ANK3: variants seen among roughly 807,000 people sequenced by gnomAD.
ANK3 encodes ankyrin 3, also known as ankyrin-3.
In ANK3, 57 loss-of-function variants were observed where a neutral mutation model predicts 370.9. The observed-to-expected ratio is 0.15, with a 90% CI of 0.12 to 0.19. The LOEUF is 0.19. Among genes scored for constraint, ANK3 ranks in the 10% least tolerant of loss-of-function variants. ANK3 has a pLI of 1.00. For synonymous variants in ANK3, 1,929 were observed against 1,946.3 expected, an observed-to-expected ratio of 0.99 and a Z score of 0.23; for missense variants, 4,439 against 5,302.1, an observed-to-expected ratio of 0.84 and a Z score of 5.06.
intron 1 of ANK3, among the ~76,000 whole-genome samples, chr10:60,301,297 CAT>C (rs776321636): frequency 9.2e-4 from 137 of 149,208 alleles, no homozygotes; most frequent in Admixed American, 5.6e-3. Context: ...TATACACACA[CAT>C]ACATATATAC....
chr10:60,094,435 G>A (rs1008072099), intron 28 of ANK3, among the ~76,000 whole-genome samples: 1 of 151,878 alleles, frequency 6.6e-6, no homozygotes. Context: ...TGATGTGCCC[G>A]CCTCAGCCTC....
intron 16 of ANK3, among the ~76,000 whole-genome samples, chr10:60,190,097 A>C (rs1457714887): frequency 1.3e-5 from 2 of 152,242 alleles, no homozygotes; most frequent in Non-Finnish European, 2.9e-5. Flanking sequence ...TCTACTTTTC[A>C]GTACCCCAAT....
intron 2 of ANK3, among the ~76,000 whole-genome samples, chr10:60,578,273 T>G (rs1451602032): frequency 6.6e-6 from 1 of 152,246 alleles, no homozygotes; most frequent in Non-Finnish European, 1.5e-5. Flanking sequence ...ATGCATGGTT[T>G]GCTTTTTGTT....
chr10:60,578,133 T>C lies in ANK3; in HGVS notation c.96+37053A>G, dbSNP rs1477138654. ...TTCAACCAGGTCCATAGCAGGATTTTCCTGTTTTGTTCCGAGTTTTCTTTC... is the reference window on the plus strand; with the variant it reads ...TTCAACCAGGTCCATAGCAGGATTTCCCTGTTTTGTTCCGAGTTTTCTTTC... On this transcript the variant is annotated intron_variant, in intron 2 of 43. Transcript: ENST00000373827. 2.0e-5 allele frequency among the ~76,000 whole-genome samples: 3 copies of C among 152,244 alleles called. No homozygotes were observed. In the East Asian group the frequency reaches 5.8e-4, roughly 29 times the overall value.
chr10:60,656,027 G>A (rs1263589143), intron 1 of ANK3, among the ~76,000 whole-genome samples: 2 of 152,114 alleles, frequency 1.3e-5, no homozygotes, highest in Non-Finnish European at 2.9e-5. Flanking sequence ...TACACTTTAT[G>A]ATACTCGCAC....
rs1013061852 is a variant in ANK3 at position 60,076,191 on chromosome 10, T to G, written c.4690A>C (p.Ile1564Leu). The G allele has an allele frequency of 6.2e-7, 1 of 1,614,062 alleles. No individual in the cohort carries two copies. The highest frequency in any genetic ancestry group is 8.5e-7 in the Non-Finnish European group (1 of 1,179,990). ...CTAATTGGAGATGCCACGTCACTAATGGATTTAACTGAAGATGTAGTTGAC... is the reference window on the plus strand; with the variant it reads ...CTAATTGGAGATGCCACGTCACTAAGGGATTTAACTGAAGATGTAGTTGAC... ...GASTTSSVKSISDVASPIRSF... is the reference protein window; with the variant it reads ...GASTTSSVKSLSDVASPIRSF... The change falls in exon 37 of 44, where the codon ATT (isoleucine) becomes CTT (leucine). Residue 1564 changes from isoleucine (I) to leucine (L), a missense_variant. By Grantham distance (5) the Ile-to-Leu change is conservative. Coordinates refer to ENST00000280772, the MANE Select transcript of ANK3 (RefSeq NM_020987.5).
chr10:60,101,126 T>C (rs1197473741), intron 28 of ANK3, among the ~76,000 whole-genome samples: 1 of 152,188 alleles, frequency 6.6e-6, no homozygotes, highest in African/African-American at 2.4e-5. Context: ...ATGTAAAAAT[T>C]AATAATGAGA....
intron 23 of ANK3, among the ~76,000 whole-genome samples, chr10:60,154,219 T>C (rs1300784459): frequency 1.3e-5 from 2 of 152,160 alleles, no homozygotes; most frequent in East Asian, 3.9e-4. Flanking sequence ...TGAAGAACAA[T>C]TTCTGAAGCT....
chr10:60,375,500 G>C (rs372399078), intron 1 of ANK3, among the ~76,000 whole-genome samples: 42 of 152,144 alleles, frequency 2.8e-4, no homozygotes, highest in South Asian at 8.3e-4. Flanking sequence ...CCTGCCTGGG[G>C]GGGGAGGGGG....
In ANK3 at chr10:60,678,315, C is replaced by T. The variant is rs532876221; in HGVS notation, c.57+54948G>A. ...ATGCTGACTGTTGTATTGGCTTTAACATAGGAAAAAGGAGAAAAACAAATG... is the reference window on the plus strand; with the variant it reads ...ATGCTGACTGTTGTATTGGCTTTAATATAGGAAAAAGGAGAAAAACAAATG... On this transcript the variant is annotated intron_variant, in intron 1 of 43. Transcript: ENST00000373827. 8.5e-5 allele frequency among the ~76,000 whole-genome samples: 13 copies of T among 152,124 alleles called. 1 individual carries two copies. Among genetic ancestry groups the T allele is most frequent in the African/African-American group, 2.9e-4 (12 of 41,502 alleles).
chr10:60,379,191 G>A (rs2061221934), intron 1 of ANK3, among the ~76,000 whole-genome samples: 1 of 151,634 alleles, frequency 6.6e-6, no homozygotes, highest in Non-Finnish European at 1.5e-5. Flanking sequence ...TTATCAAAAA[G>A]ACAAAAAAAT....
At chr10:60,608,564 C>T (rs1451878927) in intron 2 of ANK3, among the ~76,000 whole-genome samples, 1 of 152,146 alleles carries the variant, frequency 6.6e-6, no homozygotes, top group Admixed American at 6.5e-5. Context: ...GAGTAACTCC[C>T]ACCAGAGGCT....
At position 60,088,548 on chromosome 10, in the gene ANK3, C is replaced by T. The variant is rs1027560497; in HGVS notation, c.3329-190G>A. On this transcript the variant is annotated intron_variant, in intron 28 of 43. Transcript: ENST00000280772. ...TCAAGTGATTCTCCTGCCTCAGCCTCCCAAGTAGCTGGGATTACGGGCATG... is the reference window on the plus strand; with the variant it reads ...TCAAGTGATTCTCCTGCCTCAGCCTTCCAAGTAGCTGGGATTACGGGCATG... 2.6e-5 allele frequency among the ~76,000 whole-genome samples: 4 copies of T among 152,168 alleles called. No individual in the cohort carries two copies. In the South Asian group the frequency reaches 8.3e-4, roughly 32 times the overall value.
At chr10:60,501,654 G>A (rs1402545039) in intron 2 of ANK3, among the ~76,000 whole-genome samples, 3 of 146,948 alleles carry the variant, frequency 2.0e-5, no homozygotes, top group Non-Finnish European at 4.5e-5. Flanking sequence ...GCAGTGAACC[G>A]AGATTGTGCC....
chr10:60,117,413 T>C (rs569385476), intron 25 of ANK3, among the ~76,000 whole-genome samples: 2 of 152,226 alleles, frequency 1.3e-5, no homozygotes, highest in South Asian at 2.1e-4. Flanking sequence ...TGTGAACACA[T>C]TGAGAGATTT....
chr10:60,191,378 T>A (rs2096476600), intron 16 of ANK3, among the ~76,000 whole-genome samples: 1 of 122,058 alleles, frequency 8.2e-6, no homozygotes, highest in Non-Finnish European at 1.9e-5. Context: ...GGAACTCAAC[T>A]CAACAAGAAA....
In ANK3 at chr10:60,075,957, T is replaced by C. The variant is rs769122589; in HGVS notation, c.4924A>G (p.Thr1642Ala). The change falls in exon 37 of 44, where the codon ACA becomes GCA. Residue 1642 changes from threonine (T) to alanine (A), a missense_variant. By Grantham distance (58) the Thr-to-Ala change is moderately conservative (BLOSUM62 0). Transcript: ENST00000280772. Reference sequence around the variant, plus strand: ...TTTGATTTGGGGGAGGCAGGGGGTGTCATAGTAATTGATGACCTCTCCAAA... The same window carrying C: ...TTTGATTTGGGGGAGGCAGGGGGTGCCATAGTAATTGATGACCTCTCCAAA... ...SLLERSSITM[T>A]PPASPKSNIN... The C allele has an allele frequency of 6.2e-7, 1 of 1,614,082 alleles. No individual in the cohort carries two copies. The highest frequency in any genetic ancestry group is 8.5e-7 in the Non-Finnish European group (1 of 1,179,992).
chr10:60,251,285 G>C (rs950603349), intron 7 of ANK3, among the ~76,000 whole-genome samples: 1 of 152,140 alleles, frequency 6.6e-6, no homozygotes, highest in Non-Finnish European at 1.5e-5. Context: ...GGGGTGCATT[G>C]CTGGGGGATG....
intron 25 of ANK3, among the ~76,000 whole-genome samples, chr10:60,123,640 C>G (rs1370736408): frequency 6.6e-6 from 1 of 152,242 alleles, no homozygotes; most frequent in Non-Finnish European, 1.5e-5. Context: ...TATCTAACAG[C>G]TCTACCATCT....
Sources: gnomAD v4.1 joint callset for allele counts (sites outside exome capture counted in the v4.1 genomes callset) on GRCh38, gnomAD v4.1.1 for gene constraint, MANE v1.5 for transcripts, NCBI Gene and HGNC (gene_info 2026-07-23, HGNC 2026-07-21) for gene names.